The following OSBPL9 variants were observed in gnomAD, a reference collection of about 807,000 sequenced individuals.
The protein encoded by OSBPL9 is oxysterol binding protein like 9.
Under a neutral mutation model 106.6 loss-of-function variants are expected in OSBPL9, and 40 were observed. That is an observed-to-expected ratio of 0.38 (90% CI 0.29 to 0.49). The LOEUF (loss-of-function observed/expected upper bound fraction) is 0.49. OSBPL9 is among the 20% of genes least tolerant of loss of function. OSBPL9 has a pLI of 0.97. For synonymous variants in OSBPL9, 269 were observed against 295.4 expected (o/e 0.91, Z 0.92); for missense variants, 609 against 887.2 (o/e 0.69, Z 3.98).
intron 3 of OSBPL9, among the ~76,000 whole-genome samples, chr1:51,691,425 G>A (rs936388718): frequency 3.3e-5 from 5 of 151,476 alleles, no homozygotes; most frequent in African/African-American, 4.9e-5. Context: ...GATTACAGGC[G>A]AGCGCCACCA....
At chr1:51,609,404 C>T (rs1197106310) in intron 2 of OSBPL9, among the ~76,000 whole-genome samples, 1 of 150,190 alleles carries the variant, frequency 6.7e-6, no homozygotes, top group East Asian at 2.0e-4. Context: ...AGTGCAGTGG[C>T]ACCATCAAGG....
chr1:51,749,783 T>G (rs1668837780), intron 7 of OSBPL9, among the ~76,000 whole-genome samples: 1 of 151,798 alleles, frequency 6.6e-6, no homozygotes, highest in African/African-American at 2.4e-5. Context: ...GGGGATCGCT[T>G]GAGCCTCTGA....
chr1:51,763,554 G>C (rs1191419770), intron 11 of OSBPL9, among the ~76,000 whole-genome samples: 1 of 151,962 alleles, frequency 6.6e-6, no homozygotes, highest in Non-Finnish European at 1.5e-5. Context: ...TTTTTTTCCC[G>C]GGTAGGATTT....
intron 9 of OSBPL9, among the ~76,000 whole-genome samples, chr1:51,757,240 A>G (rs1251864641): frequency 6.6e-6 from 1 of 152,158 alleles, no homozygotes; most frequent in Non-Finnish European, 1.5e-5. Flanking sequence ...GTATTTCTTA[A>G]GAAAGCAGAA....
intron 1 of OSBPL9, among the ~76,000 whole-genome samples, chr1:51,651,239 T>G (rs1216695770): frequency 2.0e-5 from 3 of 152,098 alleles, no homozygotes; most frequent in African/African-American, 7.2e-5. Context: ...GTTACCCATT[T>G]GGGGAATTGC....
chr1:51,649,748 T>TC (rs1453445644), intron 1 of OSBPL9, among the ~76,000 whole-genome samples: 6 of 151,130 alleles, frequency 4.0e-5, no homozygotes, highest in Non-Finnish European at 8.9e-5. Flanking sequence ...TTTTTTTTTT[T>TC]TTTTTTTTTT....
At chr1:51,571,087 TATG>T in the OSBPL9 span, among the ~76,000 whole-genome samples, 3 of 152,192 alleles carry the variant, frequency 2.0e-5, no homozygotes, top group African/African-American at 7.2e-5. Context: ...GGTCCTTCCT[TATG>T]ATCCCACAGC....
intron 1 of OSBPL9, among the ~76,000 whole-genome samples, chr1:51,620,029 T>G (rs1221401992): frequency 6.6e-6 from 1 of 152,128 alleles, no homozygotes; most frequent in African/African-American, 2.4e-5. Flanking sequence ...TGCTTTAGAG[T>G]TGGCTTTACT....
chr1:51,717,829 T>C (rs1661341104), intron 4 of OSBPL9, among the ~76,000 whole-genome samples: 1 of 152,134 alleles, frequency 6.6e-6, no homozygotes, highest in African/African-American at 2.4e-5. Context: ...AAAATAGAGC[T>C]ACCATATAAT....
At chr1:51,758,572 C>CA (rs1347563621) in intron 9 of OSBPL9, among the ~76,000 whole-genome samples, 1 of 152,124 alleles carries the variant, frequency 6.6e-6, no homozygotes, top group Non-Finnish European at 1.5e-5. Context: ...AGTGGCCTCT[C>CA]ATAATTTTTG....
intron 14 of OSBPL9, among the ~76,000 whole-genome samples, chr1:51,773,063 A>C (rs1308621463): frequency 2.0e-5 from 3 of 152,024 alleles, no homozygotes; most frequent in Non-Finnish European, 4.4e-5. Flanking sequence ...TCCTCTGTGG[A>C]CTTCAGGGTT....
chr1:51,711,097 T>G (rs1432927821), intron 3 of OSBPL9, among the ~76,000 whole-genome samples: 1 of 151,924 alleles, frequency 6.6e-6, no homozygotes, highest in Non-Finnish European at 1.5e-5. Context: ...AAGTCTCCCA[T>G]GTCTACTTCT....
At chr1:51,616,677 G>C (rs907775375), upstream of OSBPL9, among the ~76,000 whole-genome samples, 16 of 152,082 alleles carry the variant, frequency 1.1e-4, no homozygotes, top group African/African-American at 3.9e-4. Context: ...CTGTCATGAA[G>C]GCTCTGTTGT....
intron 3 of OSBPL9, among the ~76,000 whole-genome samples, chr1:51,698,896 T>C (rs1426540878): frequency 3.3e-5 from 5 of 152,172 alleles, no homozygotes; most frequent in East Asian, 1.9e-4. Context: ...TTTGTTGTGA[T>C]TGAATAATAA....
In OSBPL9 at chr1:51,669,186, C is replaced by T. The variant is rs756741527; in HGVS notation, c.163-248C>T. 3.3e-5 allele frequency among the ~76,000 whole-genome samples: 5 copies of T among 152,230 alleles called. No individual in the cohort carries two copies. The East Asian group carries it at 5.8e-4, about 18-fold the overall frequency. ...ATTCAGCTTCTGTGTTTGTCCCTTC[C>T]GCCTCCCAGCACATCTATGCCCTTA... On this transcript the variant is annotated intron_variant, in intron 2 of 23. Coordinates refer to ENST00000428468, the MANE Select transcript of OSBPL9 (RefSeq NM_024586.6).
At chr1:51,745,489 A>G in intron 4 of OSBPL9, 47 bp from the exon 5 acceptor site, 1 of 1,592,194 alleles carries the variant, frequency 6.3e-7, no homozygotes, top group South Asian at 1.1e-5. Flanking sequence ...GTACTATTAA[A>G]CTTTGCTTGG....
intron 1 of OSBPL9, among the ~76,000 whole-genome samples, chr1:51,579,440 G>A (rs1278957847): frequency 6.6e-6 from 1 of 152,176 alleles, no homozygotes; most frequent in Admixed American, 6.6e-5. Context: ...AGATCCATTA[G>A]AAATGCTTAT....
intron 4 of OSBPL9, among the ~76,000 whole-genome samples, chr1:51,735,151 G>GA (rs1198247493): frequency 6.6e-6 from 1 of 152,042 alleles, no homozygotes; most frequent in Non-Finnish European, 1.5e-5. Context: ...AAATGGAAGG[G>GA]AAAAAAGGCC....
At chr1:51,540,642 G>C in the OSBPL9 span, among the ~76,000 whole-genome samples, 1 of 140,980 alleles carries the variant, frequency 7.1e-6, no homozygotes, top group African/African-American at 2.7e-5. Flanking sequence ...CGCAGAGCAA[G>C]ACTCTGTCTC....
Sources: gnomAD v4.1 joint callset for allele counts (sites outside exome capture counted in the v4.1 genomes callset) on GRCh38, gnomAD v4.1.1 for gene constraint, MANE v1.5 for transcripts, NCBI Gene and HGNC (gene_info 2026-07-23, HGNC 2026-07-21) for gene names.